TNKS: variants seen among roughly 807,000 people sequenced by gnomAD.
The protein encoded by TNKS is tankyrase.
A neutral mutation model predicts 135.8 loss-of-function variants in TNKS; 72 were observed. That is an observed-to-expected ratio of 0.53 (90% CI 0.44 to 0.64). The LOEUF (loss-of-function observed/expected upper bound fraction) is 0.64, where lower values mean the gene tolerates loss of function less well. Ranked by LOEUF, TNKS falls within the 30% of genes least tolerant of loss-of-function variation. The probability of loss-of-function intolerance (pLI) is 0.00; values close to 1 mark genes in which losing one functional copy is unlikely to be tolerated. For synonymous variants in TNKS, 849 were observed against 649.3 expected (o/e 1.31, Z -4.68); for missense variants, 1,769 against 1,674.0 (o/e 1.06, Z -0.99).
intron 5 of TNKS, among the ~76,000 whole-genome samples, chr8:9,682,193 G>T (rs1246656873): frequency 6.6e-6 from 1 of 152,066 alleles, no homozygotes; most frequent in African/African-American, 2.4e-5. Context: ...CTTCTTATCT[G>T]TGGTTAAATG....
chr8:9,602,609 C>T (rs553414667), intron 2 of TNKS, among the ~76,000 whole-genome samples: 67 of 152,296 alleles, frequency 4.4e-4, no homozygotes, highest in African/African-American at 1.3e-3. Flanking sequence ...TACACCTACA[C>T]GCCCAGCAAA....
At chr8:9,754,548 C>G (rs1396709476) in intron 20 of TNKS, among the ~76,000 whole-genome samples, 1 of 151,872 alleles carries the variant, frequency 6.6e-6, no homozygotes, top group Non-Finnish European at 1.5e-5. Context: ...TATAGTTCAT[C>G]TTTAATGCTC....
At chr8:9,598,091 A>T (rs1429672920) in intron 2 of TNKS, among the ~76,000 whole-genome samples, 1 of 152,216 alleles carries the variant, frequency 6.6e-6, no homozygotes, top group African/African-American at 2.4e-5. Flanking sequence ...TGTCAGAGGC[A>T]TAGGAAAATA....
chr8:9,599,706 A>T (rs1798937552), intron 2 of TNKS, among the ~76,000 whole-genome samples: 1 of 152,192 alleles, frequency 6.6e-6, no homozygotes. Context: ...CAAAAAGGAT[A>T]AAATTGATCT....
intron 17 of TNKS, among the ~76,000 whole-genome samples, chr8:9,735,836 A>G (rs1443533075): frequency 1.3e-5 from 2 of 152,016 alleles, no homozygotes; most frequent in East Asian, 3.8e-4. Context: ...AAAATCTAGA[A>G]AACTTCCCTG....
chr8:9,653,802 T>A (rs1008553795), intron 3 of TNKS, among the ~76,000 whole-genome samples: 2 of 152,192 alleles, frequency 1.3e-5, no homozygotes, highest in Admixed American at 1.3e-4. Context: ...CTCTGCCCTT[T>A]CTTTCTGCTG....
chr8:9,629,781 C>A (rs1221315831), intron 3 of TNKS, among the ~76,000 whole-genome samples: 2 of 152,228 alleles, frequency 1.3e-5, no homozygotes, highest in Non-Finnish European at 2.9e-5. Flanking sequence ...CTCCCCGGTT[C>A]ATGCCATTCT....
At chr8:9,762,588 G>C (rs1055255620) in intron 21 of TNKS, among the ~76,000 whole-genome samples, 1 of 152,084 alleles carries the variant, frequency 6.6e-6, no homozygotes, top group Non-Finnish European at 1.5e-5. Context: ...TCTGCAGTCT[G>C]TACAAGAAGC....
intron 3 of TNKS, among the ~76,000 whole-genome samples, chr8:9,657,243 C>G (rs1201919853): frequency 8.2e-6 from 1 of 121,406 alleles, no homozygotes; most frequent in Admixed American, 7.8e-5. Flanking sequence ...GCTGGCCGGG[C>G]GGGGGGCCGA....
At chr8:9,750,029 C>G (rs1171060566) in intron 18 of TNKS, among the ~76,000 whole-genome samples, 1 of 152,176 alleles carries the variant, frequency 6.6e-6, no homozygotes, top group Non-Finnish European at 1.5e-5. Flanking sequence ...ACCCACAAAT[C>G]TTTTCAAGAC....
chr8:9,638,404 A>G (rs373950079), intron 3 of TNKS, among the ~76,000 whole-genome samples: 1 of 152,214 alleles, frequency 6.6e-6, no homozygotes, highest in East Asian at 1.9e-4. Flanking sequence ...ACTTTGAATT[A>G]TGGCTGGTTT....
chr8:9,735,294 C>G (rs1445244534), intron 16 of TNKS, 83 bp from the exon 17 acceptor site: 46 of 1,320,866 alleles, frequency 3.5e-5, no homozygotes, highest in Admixed American at 4.0e-5. Flanking sequence ...AAAACCTTAA[C>G]ATTTTCTGGT....
chr8:9,656,590 A>C (rs1801380817), intron 3 of TNKS, among the ~76,000 whole-genome samples: 1 of 148,552 alleles, frequency 6.7e-6, no homozygotes, highest in African/African-American at 2.5e-5. Context: ...AATATTCAAC[A>C]TTCTTAAAGA....
chr8:9,729,576 G>T (rs1805324279), intron 13 of TNKS, among the ~76,000 whole-genome samples: 1 of 152,112 alleles, frequency 6.6e-6, no homozygotes, highest in Non-Finnish European at 1.5e-5. Context: ...AGACTAAGAG[G>T]TTAAAAATCA....
chr8:9,741,273 C>T (rs1354631821), intron 17 of TNKS, among the ~76,000 whole-genome samples: 1 of 152,100 alleles, frequency 6.6e-6, no homozygotes, highest in African/African-American at 2.4e-5. Context: ...ATCGGTAGAA[C>T]TGAAATTAGA....
At chr8:9,701,742 G>A (rs1203019622) in intron 5 of TNKS, among the ~76,000 whole-genome samples, 2 of 152,202 alleles carry the variant, frequency 1.3e-5, no homozygotes, top group Non-Finnish European at 2.9e-5. Context: ...GGGAAAACCA[G>A]GAGGAACCTG....
At chr8:9,628,089 A>G (rs1357678802) in intron 3 of TNKS, among the ~76,000 whole-genome samples, 2 of 152,150 alleles carry the variant, frequency 1.3e-5, no homozygotes, top group African/African-American at 2.4e-5. Flanking sequence ...TCCTGCAGCT[A>G]TGCTCTGCTT....
intron 8 of TNKS, among the ~76,000 whole-genome samples, chr8:9,708,121 C>T (rs536287344): frequency 1.3e-5 from 2 of 152,208 alleles, no homozygotes; most frequent in East Asian, 3.9e-4. Context: ...AATTTTGCTG[C>T]AATAAGTATC....
chr8:9,728,828 C>G (rs183472536), intron 13 of TNKS, among the ~76,000 whole-genome samples: 1 of 152,232 alleles, frequency 6.6e-6, no homozygotes, highest in African/African-American at 2.4e-5. Flanking sequence ...TGTGAACTCG[C>G]CTTTACTGCC....
Sources: gnomAD v4.1 joint callset for allele counts (sites outside exome capture counted in the v4.1 genomes callset) on GRCh38, gnomAD v4.1.1 for gene constraint, MANE v1.5 for transcripts, NCBI Gene and HGNC (gene_info 2026-07-23, HGNC 2026-07-21) for gene names.